The following MCMDC2 variants were observed in gnomAD, a reference collection of about 807,000 sequenced individuals.
The protein encoded by MCMDC2 is minichromosome maintenance domain-containing protein 2.
Under a neutral mutation model 75.8 loss-of-function variants are expected in MCMDC2, and 54 were observed. That is an observed-to-expected ratio of 0.71 (90% confidence interval 0.57 to 0.89). The LOEUF (loss-of-function observed/expected upper bound fraction) is 0.89, where lower values mean the gene tolerates loss of function less well. Among genes scored for constraint, MCMDC2 ranks in the 40% least tolerant of loss-of-function variants. The pLI is 0.00. For missense variants in MCMDC2, 656 were observed against 780.4 expected (o/e 0.84, Z 1.90); for synonymous variants, 249 against 274.6 (o/e 0.91, Z 0.92).
chr8:66,884,875 C>T (rs987641020), intron 9 of MCMDC2, among the ~76,000 whole-genome samples: 1 of 152,038 alleles, frequency 6.6e-6, no homozygotes. Context: ...CTCCTGGGCT[C>T]AAGTGATCCT....
intron 5 of MCMDC2, among the ~76,000 whole-genome samples, chr8:66,877,993 C>T (rs1428404173): frequency 6.6e-6 from 1 of 151,714 alleles, no homozygotes; most frequent in East Asian, 1.9e-4. Context: ...TATATATTTA[C>T]TTTGCATAAT....
chr8:66,878,560 C>T lies in MCMDC2; in HGVS notation c.482-14C>T, dbSNP rs758088405. ...ATCTGAAAGCAAATGTATGTTACCACTGTTTTCTTTCAGGATTTCAGTATA... is the reference window on the plus strand; with the variant it reads ...ATCTGAAAGCAAATGTATGTTACCATTGTTTTCTTTCAGGATTTCAGTATA... On this transcript the variant is annotated splice_polypyrimidine_tract_variant and intron_variant, in intron 5 of 14. Coordinates refer to ENST00000422365, the MANE Select transcript of MCMDC2 (RefSeq NM_173518.5). 1.9e-6 allele frequency: 3 copies of T among 1,565,534 alleles called. No homozygotes were observed. In the South Asian group the frequency reaches 3.8e-5, roughly 20 times the overall value.
chr8:66,910,367 T>C (rs779490288), intron 14 of MCMDC2, among the ~76,000 whole-genome samples: 40 of 152,160 alleles, frequency 2.6e-4, no homozygotes, highest in Non-Finnish European at 2.4e-4. Flanking sequence ...CTGCAGACAC[T>C]CAACACCAGC....
At position 66,921,494 on chromosome 8, in the gene MCMDC2, G is replaced by C. The variant is rs1048359955; in HGVS notation, c.*2325G>C. 1.3e-5 allele frequency: 2 copies of C among 152,194 alleles called. No homozygotes were observed. Among genetic ancestry groups the C allele is most frequent in the African/African-American group, 4.8e-5 (2 of 41,442 alleles). The allele number at this position is 152,194 out of a possible 1,614,324, so 9.4% of individuals were successfully genotyped here. ...TAAGCTAGTACTCAACAGGAGAAAA[G>C]ATTTAGCTCTAAACCTTCACCCAGA... On this transcript the variant is annotated 3_prime_UTR_variant, in exon 15 of 15. Transcript: ENST00000422365.
rs1336063299 is a variant in MCMDC2 at position 66,919,439 on chromosome 8, A to C, written c.*270A>C. The C allele has an allele frequency of 4.3e-6, 1 of 230,012 alleles. No individual in the cohort carries two copies. The highest frequency in any genetic ancestry group is 8.4e-6 in the Non-Finnish European group (1 of 119,568). The allele number at this position is 230,012 out of a possible 1,614,324, so 14.2% of individuals were successfully genotyped here. On this transcript the variant is annotated 3_prime_UTR_variant, in exon 15 of 15. Transcript: ENST00000422365. ...AGTTGTCAAGGAGAATACTATAAAG[A>C]AAAACCTGGTTAGCCCAGAATACCA...
intron 4 of MCMDC2, among the ~76,000 whole-genome samples, chr8:66,875,781 A>G (rs886325514): frequency 6.6e-6 from 1 of 152,184 alleles, no homozygotes; most frequent in Non-Finnish European, 1.5e-5. Flanking sequence ...GTCTCTTTCA[A>G]TCTAGAGCCA....
intron 14 of MCMDC2, among the ~76,000 whole-genome samples, chr8:66,908,291 T>C (rs957764532): frequency 6.6e-6 from 1 of 152,220 alleles, no homozygotes; most frequent in Admixed American, 6.5e-5. Context: ...TGTGTATGGC[T>C]AGCCAGTTTT....
At chr8:66,878,736 T>C (rs776877013) in intron 6 of MCMDC2, 40 bp downstream of exon 6, 3 of 1,468,206 alleles carry the variant, frequency 2.0e-6, no homozygotes, top group Non-Finnish European at 2.8e-6. Flanking sequence ...ATTTTTAAAA[T>C]AGTGTCTGAT....
intron 7 of MCMDC2, among the ~76,000 whole-genome samples, chr8:66,880,401 C>T (rs949604141): frequency 6.6e-6 from 1 of 152,046 alleles, no homozygotes; most frequent in Non-Finnish European, 1.5e-5. Context: ...CAAAAACAAA[C>T]AAAAAGCCAT....
chr8:66,875,177 GCAT>G (rs1243993498), intron 4 of MCMDC2, among the ~76,000 whole-genome samples: 3 of 152,052 alleles, frequency 2.0e-5, no homozygotes, highest in Non-Finnish European at 4.4e-5. Context: ...TTTCATACCT[GCAT>G]CATCAATTTT....
At chr8:66,895,446 G>C (rs1191834493) in intron 10 of MCMDC2, among the ~76,000 whole-genome samples, 3 of 125,772 alleles carry the variant, frequency 2.4e-5, no homozygotes, top group Non-Finnish European at 4.9e-5. Context: ...TTGCCCTGTT[G>C]CCCAGGGTGG....
At chr8:66,891,964 CTT>C (rs1308948429) in intron 10 of MCMDC2, among the ~76,000 whole-genome samples, 1 of 152,214 alleles carries the variant, frequency 6.6e-6, no homozygotes, top group Non-Finnish European at 1.5e-5. Context: ...CACCTGAAAA[CTT>C]GGAGATACCA....
Position 66,901,331 on chromosome 8 carries a change from A to G in MCMDC2, c.1752A>G (p.Ala584=), listed in dbSNP as rs1812648326. The G allele has an allele frequency of 6.2e-7, 1 of 1,610,440 alleles. No individual in the cohort carries two copies. Among genetic ancestry groups the G allele is most frequent in the South Asian group, 1.1e-5 (1 of 89,624 alleles). ...TGSVCGSKLS[A]SALKYLVFLS... Reference sequence around the variant, plus strand: ...CTGTATGTGGATCAAAGCTGTCAGCATCTGCATTAAAATATCTGTAGGTAT... The same window carrying G: ...CTGTATGTGGATCAAAGCTGTCAGCGTCTGCATTAAAATATCTGTAGGTAT... Residue 584 remains alanine (A), a synonymous_variant, in exon 13 of 15, where the codon GCA becomes GCG. Transcript: ENST00000422365.
chr8:66,926,282 T>A (rs1247959608), downstream of MCMDC2: 2 of 152,274 alleles, frequency 1.3e-5, no homozygotes, highest in African/African-American at 4.8e-5. Flanking sequence ...GAATCCTGAC[T>A]GCAAAGCACT....
intron 9 of MCMDC2, among the ~76,000 whole-genome samples, chr8:66,889,843 A>G (rs1225274389): frequency 6.6e-6 from 1 of 152,168 alleles, no homozygotes; most frequent in Non-Finnish European, 1.5e-5. Flanking sequence ...AGAGAGACTC[A>G]AACAGAACAA....
chr8:66,887,408 C>T (rs552214775), intron 9 of MCMDC2, among the ~76,000 whole-genome samples: 118 of 151,156 alleles, frequency 7.8e-4, no homozygotes, highest in African/African-American at 2.7e-3. Context: ...AAAAATTAGC[C>T]GGGCATAGTG....
At chr8:66,906,235 G>A (rs994297711) in intron 14 of MCMDC2, among the ~76,000 whole-genome samples, 7 of 152,242 alleles carry the variant, frequency 4.6e-5, no homozygotes, top group African/African-American at 1.4e-4. Flanking sequence ...ATTTTGATTA[G>A]CGATACCATT....
chr8:66,880,615 C>T (rs1025425325), intron 7 of MCMDC2, among the ~76,000 whole-genome samples: 2 of 152,100 alleles, frequency 1.3e-5, no homozygotes, highest in African/African-American at 4.8e-5. Flanking sequence ...TGCTATATCA[C>T]ATGCTTCTTG....
chr8:66,880,680 T>C (rs992486401), intron 7 of MCMDC2, among the ~76,000 whole-genome samples, 169 bp from the exon 8 acceptor site: 1 of 152,184 alleles, frequency 6.6e-6, no homozygotes, highest in Admixed American at 6.5e-5. Context: ...TAAAATTGCA[T>C]CAGATTATAT....
Sources: allele counts gnomAD v4.1 joint callset (sites outside exome capture counted in the v4.1 genomes callset), GRCh38; gene constraint gnomAD v4.1.1; transcripts MANE v1.5; gene names NCBI Gene and HGNC (gene_info 2026-07-23, HGNC 2026-07-21).